RBBP5: variants seen among roughly 807,000 people sequenced by gnomAD.
RBBP5 encodes RB binding protein 5, histone lysine methyltransferase complex subunit, also known as retinoblastoma-binding protein 5.
In RBBP5, 5 loss-of-function variants were observed where a neutral mutation model predicts 72.2. The observed-to-expected ratio is 0.07, with a 90% CI of 0.04 to 0.15. The LOEUF (loss-of-function observed/expected upper bound fraction) is 0.15. Among genes scored for constraint, RBBP5 ranks in the 10% least tolerant of loss-of-function variants. RBBP5 has a pLI of 1.00. For missense variants in RBBP5, 322 were observed against 652.2 expected, an observed-to-expected ratio of 0.49 and a Z score of 5.51; for synonymous variants, 209 against 237.2, an observed-to-expected ratio of 0.88 and a Z score of 1.09.
Position 205,115,945 on chromosome 1 carries a change from C to G in RBBP5, c.20-62G>C, listed in dbSNP as rs1252982876. 7 of 1,613,908 alleles carry G rather than the reference C, an allele frequency of 4.3e-6. No individual in the cohort carries two copies. In the East Asian group the frequency reaches 1.1e-4, roughly 26 times the overall value. ...ACCACATAGCAAGGATCATACAACT[C>G]ACGAACAGTGTATAGCAGTGGCTGA... is the stretch of plus-strand genomic sequence containing the variant. On this transcript the variant is annotated intron_variant, in intron 1 of 13. Coordinates refer to ENST00000264515, the MANE Select transcript of RBBP5 (RefSeq NM_005057.4).
rs771836193 is a variant in RBBP5 at position 205,088,802 on chromosome 1, G to A, written c.1602C>T (p.Ile534=). 1.6e-5 allele frequency: 25 copies of A among 1,589,400 alleles called. No individual in the cohort carries two copies. The highest frequency in any genetic ancestry group is 2.0e-5 in the Non-Finnish European group (23 of 1,169,432). The change falls in exon 14 of 14, where the codon ATC becomes ATT. Residue 534 remains isoleucine (I), a synonymous_variant. Coordinates refer to ENST00000264515, the MANE Select transcript of RBBP5 (RefSeq NM_005057.4). ...TCGAAGGTCTTCATAACAGTTCTGAGATTGCTCCTCCTGCTAAAGAGATTA... is the reference window on the plus strand; with the variant it reads ...TCGAAGGTCTTCATAACAGTTCTGAAATTGCTCCTCCTGCTAAAGAGATTA... The part of the protein sequence containing the change: ...LSQPLTAGGA[I]SELL
chr1:205,108,958 A>C (rs1479779583), intron 3 of RBBP5, among the ~76,000 whole-genome samples: 1 of 152,232 alleles, frequency 6.6e-6, no homozygotes, highest in African/African-American at 2.4e-5. Context: ...TGCCTGGTAC[A>C]TAATAAGTGC....
intron 13 of RBBP5, among the ~76,000 whole-genome samples, chr1:205,093,401 G>A (rs1313149209): frequency 6.9e-6 from 1 of 144,892 alleles, no homozygotes; most frequent in Non-Finnish European, 1.5e-5. Context: ...AGAGGTTGCA[G>A]TGAGCTGAGA....
intron 6 of RBBP5, 30 bp downstream of exon 6, chr1:205,101,570 C>G (rs763877713): frequency 6.6e-7 from 1 of 1,511,986 alleles, no homozygotes; most frequent in Non-Finnish European, 9.1e-7. Context: ...ACTCTTAAAA[C>G]TGTCCCTTAA....
In RBBP5 at chr1:205,117,668, G is replaced by T. The variant is rs539146258; in HGVS notation, c.20-1785C>A. On this transcript the variant is annotated intron_variant, in intron 1 of 13. Transcript: ENST00000264515. ...AGAGGGAAACTCTGTCTCAAAAAAA[G>T]AATAATAAAAATAAAAATAAAAATA... Among the ~76,000 whole-genome samples the T allele has an allele frequency of 2.1e-4, 32 of 151,486 alleles. No homozygotes were observed. The East Asian group carries it at 3.9e-3, about 19-fold the overall frequency.
intron 1 of RBBP5, among the ~76,000 whole-genome samples, chr1:205,121,588 C>A (rs1656738230): frequency 6.6e-6 from 1 of 152,176 alleles, no homozygotes; most frequent in African/African-American, 2.4e-5. Flanking sequence ...TACTTCAACA[C>A]CTGCGATCCT....
At chr1:205,117,560 T>C (rs1558583403) in intron 1 of RBBP5, among the ~76,000 whole-genome samples, 1 of 151,736 alleles carries the variant, frequency 6.6e-6, no homozygotes, top group African/African-American at 2.4e-5. Flanking sequence ...CTCCAGAGGC[T>C]GAGGCAGAGG....
At chr1:205,111,082 C>A (rs1047758032) in intron 3 of RBBP5, among the ~76,000 whole-genome samples, 3 of 151,984 alleles carry the variant, frequency 2.0e-5, no homozygotes, top group African/African-American at 4.8e-5. Flanking sequence ...TTAAAAAAAA[C>A]AAAAAACTTT....
Position 205,088,819 on chromosome 1 carries a change from A to C in RBBP5, c.1589-4T>G. On this transcript the variant is annotated splice_region_variant and splice_polypyrimidine_tract_variant and intron_variant, in intron 13 of 13. Transcript: ENST00000264515. Reference sequence around the variant, plus strand: ...AGTTCTGAGATTGCTCCTCCTGCTAAAGAGATTAGACACAAAAAGATTTCT... The same window carrying C: ...AGTTCTGAGATTGCTCCTCCTGCTACAGAGATTAGACACAAAAAGATTTCT... The C allele has an allele frequency of 6.3e-7, 1 of 1,577,794 alleles. No homozygotes were observed. Among genetic ancestry groups the C allele is most frequent in the Non-Finnish European group, 8.6e-7 (1 of 1,163,172 alleles).
chr1:205,115,084 ATCTC>A (rs1408387389), intron 2 of RBBP5, 123 bp from the exon 3 acceptor site: 35 of 892,906 alleles, frequency 3.9e-5, no homozygotes, highest in Admixed American at 1.2e-4. Context: ...ATACCAAATA[ATCTC>A]TCTGTGTCTT....
chr1:205,120,810 C>T (rs1011183504), intron 1 of RBBP5, among the ~76,000 whole-genome samples: 67 of 152,012 alleles, frequency 4.4e-4, no homozygotes, highest in African/African-American at 1.4e-3. Context: ...ACTTAAAACT[C>T]CAACTCCTCC....
At chr1:205,091,416 C>T (rs538086785) in intron 13 of RBBP5, 13 of 152,384 alleles carry the variant, frequency 8.5e-5, no homozygotes, top group African/African-American at 3.1e-4. Flanking sequence ...GTTACCCTCA[C>T]CAAGCTTCAC....
intron 13 of RBBP5, 65 bp downstream of exon 13, chr1:205,094,808 A>C (rs1558571194): frequency 2.8e-6 from 4 of 1,437,112 alleles, no homozygotes; most frequent in East Asian, 4.8e-5. Flanking sequence ...CAGTTAAATG[A>C]AGTCAAGGGC....
At chr1:205,111,103 A>C (rs1006268735) in intron 3 of RBBP5, among the ~76,000 whole-genome samples, 1 of 152,238 alleles carries the variant, frequency 6.6e-6, no homozygotes, top group African/African-American at 2.4e-5. Context: ...TAAATAATCA[A>C]GTATAGGTTT....
intron 1 of RBBP5, 26 bp downstream of exon 1, chr1:205,121,829 T>A (rs1386757813): frequency 6.2e-7 from 1 of 1,612,234 alleles, no homozygotes; most frequent in Non-Finnish European, 8.5e-7. Flanking sequence ...AACGCTTCTC[T>A]AAAACGCAGC....
At chr1:205,101,850 A>T in intron 5 of RBBP5, 141 bp from the exon 6 acceptor site, 4 of 497,014 alleles carry the variant, frequency 8.0e-6, no homozygotes, top group Non-Finnish European at 1.1e-5. Flanking sequence ...ATTAACTGGT[A>T]TTGCTGTTTT....
rs142486097 is a variant in RBBP5, at chr1:205,103,735, T to C, written c.522+122A>G. On this transcript the variant is annotated intron_variant, in intron 5 of 13. Coordinates refer to ENST00000264515, the MANE Select transcript of RBBP5 (RefSeq NM_005057.4). ...AGAGATGGAAGAAAATTAGACTACATTTGCTGCAGAAAGGAGCTGTGCTTA... is the reference window on the plus strand; with the variant it reads ...AGAGATGGAAGAAAATTAGACTACACTTGCTGCAGAAAGGAGCTGTGCTTA... The C allele has an allele frequency of 5.5e-4, 620 of 1,136,948 alleles. 2 individuals carry two copies. In the African/African-American group the frequency reaches 8.7e-3, roughly 16 times the overall value. 70.4% of individuals were successfully genotyped at this position (1,136,948 alleles called of 1,614,324 possible). A position where few individuals can be genotyped will look rare whatever the true frequency, so the allele number is the denominator to read the frequency against.
chr1:205,095,068 T>C lies in RBBP5; in HGVS notation c.1397-4A>G. On this transcript the variant is annotated splice_polypyrimidine_tract_variant and splice_region_variant and intron_variant, in intron 12 of 13. Coordinates refer to ENST00000264515, the MANE Select transcript of RBBP5 (RefSeq NM_005057.4). ...ACACCCAGTAGTGGATGGACTTCTG[T>C]AGGACAGACAGGCATGGAAAGGAAT... The C allele has an allele frequency of 6.2e-7, 1 of 1,613,962 alleles. No individual in the cohort carries two copies. The highest frequency in any genetic ancestry group is 8.5e-7 in the Non-Finnish European group (1 of 1,179,892).
intron 13 of RBBP5, among the ~76,000 whole-genome samples, chr1:205,093,458 CA>C (rs761161251): frequency 7.6e-4 from 14 of 18,308 alleles, no homozygotes; most frequent in African/African-American, 3.9e-3. Context: ...AACTCCGTTT[CA>C]AAAAAAAAAA....
Sources: gnomAD v4.1 joint callset for allele counts (sites outside exome capture counted in the v4.1 genomes callset) on GRCh38, gnomAD v4.1.1 for gene constraint, MANE v1.5 for transcripts, NCBI Gene and HGNC (gene_info 2026-07-23, HGNC 2026-07-21) for gene names.